Variants in IGSF10 observed in about 807,000 individuals in gnomAD.
The protein encoded by IGSF10 is calvaria mechanical force protein 608.
A neutral mutation model predicts 128.2 loss-of-function variants in IGSF10; 126 were observed. The ratio of observed to expected loss-of-function variants is 0.98; its 90% CI spans 0.85 to 1.14. The LOEUF is 1.14. Among genes scored for constraint, IGSF10 ranks in the 50% most tolerant of loss-of-function variants. The pLI, the probability that IGSF10 is intolerant of heterozygous loss-of-function variation, is 0.00. For synonymous variants in IGSF10, 1,185 were observed against 1,146.2 expected (o/e 1.03, Z -0.68); for missense variants, 3,295 against 3,149.8 (o/e 1.05, Z -1.10).
the IGSF10 span, among the ~76,000 whole-genome samples, chr3:151,618,749 AAAAT>A: frequency 3.3e-5 from 5 of 150,672 alleles, no homozygotes; most frequent in Non-Finnish European, 7.4e-5. Flanking sequence ...TAAAAAATAA[AAAAT>A]AAATAAATAA....
chr3:151,588,156 A>T, the IGSF10 span, among the ~76,000 whole-genome samples: 1 of 152,210 alleles, frequency 6.6e-6, no homozygotes, highest in East Asian at 1.9e-4. Flanking sequence ...ATAGTGTATC[A>T]ATTATTTTCA....
At chr3:151,499,213 A>G in the IGSF10 span, among the ~76,000 whole-genome samples, 1 of 152,028 alleles carries the variant, frequency 6.6e-6, no homozygotes, top group Non-Finnish European at 1.5e-5. Flanking sequence ...TACCCTGAAC[A>G]ATTCCTTTAT....
the IGSF10 span, among the ~76,000 whole-genome samples, chr3:151,542,855 G>T: frequency 6.6e-6 from 1 of 152,042 alleles, no homozygotes; most frequent in East Asian, 1.9e-4. Context: ...TTTTATTAAA[G>T]GTATTTTTGT....
the IGSF10 span, among the ~76,000 whole-genome samples, chr3:151,605,119 C>T: frequency 6.6e-6 from 1 of 152,170 alleles, no homozygotes; most frequent in African/African-American, 2.4e-5. Flanking sequence ...GCAAAATCAC[C>T]AACAGAGAGT....
At chr3:151,454,944 T>G (rs908523991) in intron 4 of IGSF10, among the ~76,000 whole-genome samples, 1 of 152,066 alleles carries the variant, frequency 6.6e-6, no homozygotes, top group Non-Finnish European at 1.5e-5. Context: ...AGGTGGAGGT[T>G]GTAGTGAGCT....
chr3:151,455,654 T>C (rs1320520648), intron 4 of IGSF10, among the ~76,000 whole-genome samples: 1 of 152,198 alleles, frequency 6.6e-6, no homozygotes, highest in Non-Finnish European at 1.5e-5. Flanking sequence ...AGCCCTTCAT[T>C]CCTTTCTTTG....
the IGSF10 span, among the ~76,000 whole-genome samples, chr3:151,478,058 T>C: frequency 6.6e-6 from 1 of 152,212 alleles, no homozygotes; most frequent in Non-Finnish European, 1.5e-5. Flanking sequence ...GGGGATCAGG[T>C]TGCAGCACCA....
Position 151,436,888 on chromosome 3 carries a change from G to C in IGSF10, c.7673C>G (p.Pro2558Arg). ...GTCAGGCATCTCCCATGTGATTTCT[G>C]GCTTGGGAACTCCCAAGGCCACACA... is the stretch of plus-strand genomic sequence containing the variant. Reference protein sequence around the residue: ...LHCVALGVPKPEITWEMPDHS... With the variant: ...LHCVALGVPKREITWEMPDHS... The change falls in exon 8 of 8, where the codon CCA becomes CGA. Residue 2558 changes from proline to arginine, a missense_variant. Physicochemically the swap from Pro to Arg is moderately radical, Grantham distance 103. Transcript: ENST00000282466. 10 of 1,614,132 alleles carry C rather than the reference G, an allele frequency of 6.2e-6. No homozygotes were observed. The highest frequency in any genetic ancestry group is 8.5e-6 in the Non-Finnish European group (10 of 1,180,026).
the IGSF10 span, among the ~76,000 whole-genome samples, chr3:151,511,446 A>G: frequency 6.6e-6 from 1 of 152,236 alleles, no homozygotes; most frequent in Non-Finnish European, 1.5e-5. Flanking sequence ...GGCCTGCCCT[A>G]AAAGAGCTCC....
the IGSF10 span, among the ~76,000 whole-genome samples, chr3:151,508,808 A>C: frequency 6.6e-6 from 1 of 152,328 alleles, no homozygotes; most frequent in Admixed American, 6.5e-5. Flanking sequence ...AATAAGAATA[A>C]TGTTTAACCT....
chr3:151,614,112 C>T, the IGSF10 span, among the ~76,000 whole-genome samples: 2 of 152,112 alleles, frequency 1.3e-5, 1 homozygote, highest in South Asian at 4.1e-4. Flanking sequence ...AAATCAAAAC[C>T]ACAATGAGAT....
At chr3:151,619,339 T>C in the IGSF10 span, among the ~76,000 whole-genome samples, 1 of 152,076 alleles carries the variant, frequency 6.6e-6, no homozygotes, top group Non-Finnish European at 1.5e-5. Flanking sequence ...TTTTGAAGTA[T>C]TTATGATAAA....
chr3:151,528,740 C>A, the IGSF10 span, among the ~76,000 whole-genome samples: 3 of 151,926 alleles, frequency 2.0e-5, no homozygotes, highest in African/African-American at 4.8e-5. Context: ...GCCACCAGGG[C>A]CATGGGTTTA....
chr3:151,504,773 G>A, the IGSF10 span, among the ~76,000 whole-genome samples: 2 of 152,206 alleles, frequency 1.3e-5, no homozygotes, highest in Non-Finnish European at 2.9e-5. Flanking sequence ...AGCCAAACGT[G>A]GCCAACTGTT....
At chr3:151,477,404 T>C in the IGSF10 span, among the ~76,000 whole-genome samples, 2 of 152,316 alleles carry the variant, frequency 1.3e-5, no homozygotes, top group South Asian at 2.1e-4. Flanking sequence ...TAAGTATAAA[T>C]AGAATAAATG....
chr3:151,572,530 G>A, the IGSF10 span, among the ~76,000 whole-genome samples: 3 of 152,124 alleles, frequency 2.0e-5, no homozygotes, highest in Non-Finnish European at 4.4e-5. Flanking sequence ...AGTATTCTCT[G>A]ATGATAGTTT....
At chr3:151,494,885 T>G in the IGSF10 span, among the ~76,000 whole-genome samples, 2 of 152,090 alleles carry the variant, frequency 1.3e-5, no homozygotes, top group African/African-American at 4.8e-5. Flanking sequence ...AAACACATTT[T>G]AGGAAAAAAT....
chr3:151,468,417 A>G, the IGSF10 span, among the ~76,000 whole-genome samples: 4 of 152,160 alleles, frequency 2.6e-5, no homozygotes, highest in Non-Finnish European at 5.9e-5. Flanking sequence ...CAACCAGGGC[A>G]TTGGAAAAGG....
At chr3:151,508,290 T>TACA in the IGSF10 span, among the ~76,000 whole-genome samples, 1 of 152,074 alleles carries the variant, frequency 6.6e-6, no homozygotes, top group African/African-American at 2.4e-5. Flanking sequence ...AATGAAAGGT[T>TACA]TATGGAAAGT....
Sources: allele counts gnomAD v4.1 joint callset (sites outside exome capture counted in the v4.1 genomes callset), GRCh38; gene constraint gnomAD v4.1.1; transcripts MANE v1.5; gene names NCBI Gene and HGNC (gene_info 2026-07-23, HGNC 2026-07-21).